ITFG1: variants seen among roughly 807,000 people sequenced by gnomAD.
ITFG1 encodes T-cell immunomodulatory protein.
A neutral mutation model predicts 81.8 loss-of-function variants in ITFG1; 34 were observed. The observed-to-expected ratio is 0.42, with a 90% CI of 0.32 to 0.55. ITFG1 has a LOEUF of 0.55. Among genes scored for constraint, ITFG1 ranks in the 20% least tolerant of loss-of-function variants. The pLI is 0.17. For missense variants in ITFG1, 672 were observed against 755.4 expected (o/e 0.89, Z 1.29); for synonymous variants, 285 against 270.6 (o/e 1.05, Z -0.52).
chr16:47,455,237 A>C (rs1969436592), intron 2 of ITFG1, among the ~76,000 whole-genome samples: 1 of 152,230 alleles, frequency 6.6e-6, no homozygotes, highest in Admixed American at 6.5e-5. Flanking sequence ...TTTGCACCTT[A>C]CTTGAAAATG....
chr16:47,206,631 G>A (rs555888505), intron 14 of ITFG1, among the ~76,000 whole-genome samples: 3 of 152,250 alleles, frequency 2.0e-5, no homozygotes, highest in African/African-American at 7.2e-5. Context: ...CCACAAAAAT[G>A]GCCTTTTGTT....
In ITFG1 at chr16:47,375,957, TA is replaced by T; in HGVS notation, c.656-18del. On this transcript the variant is annotated intron_variant, in intron 6 of 17. Coordinates refer to ENST00000320640, the MANE Select transcript of ITFG1 (RefSeq NM_030790.5). ...GGAATAAATCTAGAAGGAAAAATAA[TA>T]AAAACGTAAAGTTTTGTAGTCTTAC... 6.5e-7 allele frequency: 1 copy of T among 1,546,044 alleles called. No homozygotes were observed. Among genetic ancestry groups the T allele is most frequent in the Non-Finnish European group, 8.9e-7 (1 of 1,121,706 alleles).
At chr16:47,296,726 G>A (rs1012109833) in intron 10 of ITFG1, among the ~76,000 whole-genome samples, 13 of 152,142 alleles carry the variant, frequency 8.5e-5, no homozygotes, top group South Asian at 2.1e-4. Flanking sequence ...TTGGGCCACC[G>A]CGCCTGGCTA....
At chr16:47,282,497 TG>T (rs1213321552) in intron 10 of ITFG1, among the ~76,000 whole-genome samples, 1 of 152,148 alleles carries the variant, frequency 6.6e-6, no homozygotes, top group African/African-American at 2.4e-5. Flanking sequence ...CATCTGTTGA[TG>T]GGGAACTTAG....
At chr16:47,369,831 CTCTT>C (rs1968226569) in intron 7 of ITFG1, among the ~76,000 whole-genome samples, 1 of 126,424 alleles carries the variant, frequency 7.9e-6, no homozygotes. Context: ...ATTCAATATC[CTCTT>C]TTTTTTTTTT....
chr16:47,452,582 A>G (rs1227350057), intron 4 of ITFG1, 151 bp downstream of exon 4: 41 of 600,712 alleles, frequency 6.8e-5, no homozygotes, highest in East Asian at 4.8e-4. Flanking sequence ...TCTTTGTCCT[A>G]TCTGATGGCA....
At position 47,218,966 on chromosome 16, in the gene ITFG1, T is replaced by C; in HGVS notation, c.1375-20A>G. 4 of 1,475,326 alleles carry C rather than the reference T, an allele frequency of 2.7e-6. No homozygotes were observed. The highest frequency in any genetic ancestry group is 3.7e-6 in the Non-Finnish European group (4 of 1,083,078). The allele number at this position is 1,475,326 out of a possible 1,614,324, so 91.4% of individuals were successfully genotyped here. ...AAAGGGCTGCAATAGAAAAAAAAAA[T>C]AGTTAAGGCTTGGAAAATAAGTGAA... On this transcript the variant is annotated intron_variant, in intron 13 of 17. Transcript: ENST00000320640.
At chr16:47,359,810 C>T (rs1231227285) in intron 8 of ITFG1, among the ~76,000 whole-genome samples, 6 of 152,238 alleles carry the variant, frequency 3.9e-5, no homozygotes, top group East Asian at 1.9e-4. Flanking sequence ...TAACCTCCAA[C>T]GAGCTACTTA....
intron 14 of ITFG1, among the ~76,000 whole-genome samples, chr16:47,168,927 A>C (rs1354867031): frequency 6.6e-6 from 1 of 150,542 alleles, no homozygotes; most frequent in Admixed American, 6.6e-5. Flanking sequence ...GTCCCACTTC[A>C]TTTTTTTTTA....
At chr16:47,269,497 A>AC (rs371248295) in intron 10 of ITFG1, among the ~76,000 whole-genome samples, 37 of 151,604 alleles carry the variant, frequency 2.4e-4, no homozygotes, top group Admixed American at 1.4e-3. Context: ...AAAAAAAAAA[A>AC]AAAAAACTTG....
chr16:47,253,152 G>T (rs1423801743), intron 12 of ITFG1, among the ~76,000 whole-genome samples: 2 of 152,122 alleles, frequency 1.3e-5, no homozygotes, highest in African/African-American at 2.4e-5. Context: ...TCCTGATTTA[G>T]GGTGGTAAGT....
At chr16:47,450,983 C>T (rs915268018) in intron 5 of ITFG1, among the ~76,000 whole-genome samples, 1 of 152,072 alleles carries the variant, frequency 6.6e-6, no homozygotes, top group African/African-American at 2.4e-5. Context: ...ATTACTAGAC[C>T]GTTATTGACT....
chr16:47,223,800 G>A (rs1424026055), intron 13 of ITFG1, among the ~76,000 whole-genome samples: 1 of 152,138 alleles, frequency 6.6e-6, no homozygotes, highest in African/African-American at 2.4e-5. Context: ...TAATAGCAAA[G>A]ACTTGGAACC....
intron 5 of ITFG1, among the ~76,000 whole-genome samples, chr16:47,434,536 A>C (rs1262586043): frequency 6.6e-6 from 1 of 152,308 alleles, no homozygotes; most frequent in Admixed American, 6.5e-5. Flanking sequence ...GATTAATAAA[A>C]AGTCAAAAAG....
chr16:47,230,788 G>C (rs539896489), intron 13 of ITFG1, among the ~76,000 whole-genome samples: 1 of 152,260 alleles, frequency 6.6e-6, no homozygotes, highest in South Asian at 2.1e-4. Context: ...TCGCTCTGTC[G>C]CCCAGGCTGG....
chr16:47,428,742 G>A, intron 6 of ITFG1, 62 bp downstream of exon 6: 1 of 967,158 alleles, frequency 1.0e-6, no homozygotes, highest in African/African-American at 1.6e-5. Flanking sequence ...AAAGTGTACA[G>A]TAAATAAAAT....
intron 14 of ITFG1, among the ~76,000 whole-genome samples, chr16:47,209,101 G>A (rs1326784787): frequency 6.6e-6 from 1 of 152,098 alleles, no homozygotes; most frequent in Non-Finnish European, 1.5e-5. Flanking sequence ...GATAGCCAAA[G>A]TTCAGTGAAA....
chr16:47,234,022 C>G (rs1050016287), intron 13 of ITFG1, among the ~76,000 whole-genome samples: 4 of 152,172 alleles, frequency 2.6e-5, no homozygotes, highest in Non-Finnish European at 5.9e-5. Flanking sequence ...TCAGATCAAC[C>G]TTAAAACTTC....
intron 8 of ITFG1, among the ~76,000 whole-genome samples, chr16:47,327,314 A>G (rs1967564117): frequency 6.6e-6 from 1 of 152,212 alleles, no homozygotes; most frequent in Non-Finnish European, 1.5e-5. Flanking sequence ...CACCTTATAC[A>G]AAAATTAATT....
Sources: allele counts gnomAD v4.1 joint callset (sites outside exome capture counted in the v4.1 genomes callset), GRCh38; gene constraint gnomAD v4.1.1; transcripts MANE v1.5; gene names NCBI Gene and HGNC (gene_info 2026-07-23, HGNC 2026-07-21).